The following IL20RB variants were observed in gnomAD, a reference collection of about 807,000 sequenced individuals.
The protein encoded by IL20RB is interleukin-20 receptor subunit beta.
IL20RB carries 21 observed loss-of-function variants against 33.3 expected under a neutral mutation model. The ratio of observed to expected loss-of-function variants is 0.63; its 90% CI spans 0.45 to 0.91. IL20RB has a LOEUF of 0.91. Among genes scored for constraint, IL20RB ranks in the 40% least tolerant of loss-of-function variants. The pLI is 0.00. For synonymous variants in IL20RB, 147 were observed against 146.8 expected (o/e 1.00, Z -0.01); for missense variants, 345 against 384.8 (o/e 0.90, Z 0.86).
chr3:136,964,321 G>A lies in IL20RB; in HGVS notation c.88+6120G>A, dbSNP rs1342663938. On this transcript the variant is annotated intron_variant, in intron 1 of 6. Transcript: ENST00000329582. ...TTACAGTCCCACCAACAGTGTAAAA[G>A]TGTTCCTATTTCTCCACATCCTCTC... is the stretch of plus-strand genomic sequence containing the variant. Among the ~76,000 whole-genome samples the A allele has an allele frequency of 2.0e-5, 2 of 98,376 alleles. 1 individual carries two copies. Among genetic ancestry groups the A allele is most frequent in the Non-Finnish European group, 4.0e-5 (2 of 49,768 alleles). The allele number at this position is 98,376 out of a possible 152,430, so 64.5% of individuals were successfully genotyped here.
intron 3 of IL20RB, among the ~76,000 whole-genome samples, chr3:136,988,812 T>C (rs1941969006): frequency 6.6e-6 from 1 of 151,908 alleles, no homozygotes; most frequent in African/African-American, 2.4e-5. Flanking sequence ...GAGAATAGAA[T>C]GGCCAACCCT....
chr3:137,009,719 G>T (rs1454472601), intron 6 of IL20RB, among the ~76,000 whole-genome samples: 1 of 151,954 alleles, frequency 6.6e-6, no homozygotes, highest in Non-Finnish European at 1.5e-5. Context: ...TATTTTTTGT[G>T]GAGAGGGAGC....
At chr3:136,995,654 G>A (rs1338255778) in intron 6 of IL20RB, 98 bp downstream of exon 6, 10 of 1,137,412 alleles carry the variant, frequency 8.8e-6, no homozygotes, top group Non-Finnish European at 1.2e-5. Flanking sequence ...TTTCTATCAT[G>A]AGATTATAGG....
At chr3:136,989,894 GC>G (rs1169751375) in intron 4 of IL20RB, among the ~76,000 whole-genome samples, 1 of 152,060 alleles carries the variant, frequency 6.6e-6, no homozygotes, top group African/African-American at 2.4e-5. Context: ...CATCTCCTCA[GC>G]CACTTAGGGG....
At chr3:136,977,805 C>T (rs762457735) in intron 1 of IL20RB, among the ~76,000 whole-genome samples, 5 of 152,140 alleles carry the variant, frequency 3.3e-5, no homozygotes, top group African/African-American at 7.2e-5. Context: ...GGTTTACAGG[C>T]GTGAGCCACC....
At chr3:136,990,040 C>T (rs1941999878) in intron 4 of IL20RB, among the ~76,000 whole-genome samples, 1 of 151,908 alleles carries the variant, frequency 6.6e-6, no homozygotes, top group Non-Finnish European at 1.5e-5. Flanking sequence ...TGAGTAAACC[C>T]ATCTAACTAT....
At chr3:136,974,333 T>A (rs1321758978) in intron 1 of IL20RB, among the ~76,000 whole-genome samples, 1 of 152,224 alleles carries the variant, frequency 6.6e-6, no homozygotes, top group Non-Finnish European at 1.5e-5. Context: ...GGTCTAGTGA[T>A]AACAAATTCC....
At chr3:137,007,804 A>G (rs1560079514) in intron 6 of IL20RB, among the ~76,000 whole-genome samples, 2 of 152,154 alleles carry the variant, frequency 1.3e-5, no homozygotes, top group South Asian at 2.1e-4. Context: ...CGACTGTCCA[A>G]CCAGTCCCAA....
intron 4 of IL20RB, among the ~76,000 whole-genome samples, chr3:136,991,414 G>A (rs920856670): frequency 6.6e-6 from 1 of 152,082 alleles, no homozygotes; most frequent in Non-Finnish European, 1.5e-5. Flanking sequence ...TCAATGCTAG[G>A]TCCCTGTGCT....
intron 1 of IL20RB, among the ~76,000 whole-genome samples, chr3:136,973,273 A>G (rs1314169662): frequency 2.0e-5 from 3 of 151,842 alleles, no homozygotes; most frequent in Non-Finnish European, 4.4e-5. Context: ...CAAGGCCAGG[A>G]GATAGAGACC....
intron 1 of IL20RB, among the ~76,000 whole-genome samples, chr3:136,974,490 G>A (rs564172268): frequency 3.9e-5 from 6 of 151,926 alleles, no homozygotes; most frequent in South Asian, 2.1e-4. Flanking sequence ...TGGCCTATGC[G>A]ATTTCTGCTG....
intron 1 of IL20RB, among the ~76,000 whole-genome samples, chr3:136,971,277 T>C (rs927438700): frequency 1.3e-5 from 2 of 152,180 alleles, no homozygotes; most frequent in Admixed American, 1.3e-4. Flanking sequence ...ACTATGGGCA[T>C]GTGCCACCAC....
chr3:137,001,853 T>C (rs936207944), intron 6 of IL20RB, among the ~76,000 whole-genome samples: 2 of 152,172 alleles, frequency 1.3e-5, no homozygotes, highest in African/African-American at 4.8e-5. Context: ...GGTATACATG[T>C]GCCATGGTGG....
intron 1 of IL20RB, among the ~76,000 whole-genome samples, chr3:136,975,665 G>T (rs780273319): frequency 3.3e-5 from 5 of 152,176 alleles, no homozygotes; most frequent in Non-Finnish European, 5.9e-5. Context: ...GGGTACTTTG[G>T]CTGCAGCGTT....
chr3:137,008,121 T>G (rs1354553052), intron 6 of IL20RB, among the ~76,000 whole-genome samples: 2 of 152,196 alleles, frequency 1.3e-5, no homozygotes, highest in Admixed American at 6.5e-5. Flanking sequence ...CTTTCTCTTC[T>G]TGCTGTCACA....
chr3:136,962,283 A>T (rs1941240841), intron 1 of IL20RB, among the ~76,000 whole-genome samples: 1 of 152,200 alleles, frequency 6.6e-6, no homozygotes, highest in Non-Finnish European at 1.5e-5. Context: ...CAGTAGAGAC[A>T]CTTTCTTAAC....
chr3:136,966,500 T>C (rs1941354418), intron 1 of IL20RB, among the ~76,000 whole-genome samples: 1 of 90,272 alleles, frequency 1.1e-5, no homozygotes, highest in Non-Finnish European at 2.2e-5. Context: ...GTTTGTAGTA[T>C]TCTCTGATGG....
intron 1 of IL20RB, among the ~76,000 whole-genome samples, chr3:136,978,527 T>C (rs1941684682): frequency 6.6e-6 from 1 of 152,166 alleles, no homozygotes; most frequent in African/African-American, 2.4e-5. Flanking sequence ...TCTGTGTCAA[T>C]TGATATGATT....
intron 5 of IL20RB, among the ~76,000 whole-genome samples, chr3:136,993,400 A>G (rs1942068795): frequency 3.9e-5 from 6 of 152,132 alleles, no homozygotes; most frequent in Admixed American, 3.9e-4. Flanking sequence ...ACATCTTTTC[A>G]TGTCAATACA....
Sources: allele counts gnomAD v4.1 joint callset (sites outside exome capture counted in the v4.1 genomes callset), GRCh38; gene constraint gnomAD v4.1.1; transcripts MANE v1.5; gene names NCBI Gene and HGNC (gene_info 2026-07-23, HGNC 2026-07-21).